Variants in NDUFA10 observed in about 807,000 individuals in gnomAD.
NDUFA10 encodes the protein NADH dehydrogenase [ubiquinone] 1 alpha subcomplex subunit 10, mitochondrial.
Under a neutral mutation model 47.8 loss-of-function variants are expected in NDUFA10, and 40 were observed. The observed-to-expected ratio is 0.84, with a 90% CI of 0.65 to 1.09. The LOEUF (loss-of-function observed/expected upper bound fraction) is 1.09. Among genes scored for constraint, NDUFA10 ranks in the 50% least tolerant of loss-of-function variants. NDUFA10 has a pLI of 0.00. For synonymous variants in NDUFA10, 183 were observed against 172.2 expected, an observed-to-expected ratio of 1.06 and a Z score of -0.49; for missense variants, 413 against 451.1, an observed-to-expected ratio of 0.92 and a Z score of 0.76.
At chr2:239,973,782 C>T (rs1257785060) in intron 9 of NDUFA10, 5 of 361,024 alleles carry the variant, frequency 1.4e-5, no homozygotes, top group Non-Finnish European at 2.8e-5. Flanking sequence ...CTGTCCTGCA[C>T]ACATTCAGTA....
intron 4 of NDUFA10, among the ~76,000 whole-genome samples, chr2:239,922,377 G>GC (rs774389001): frequency 1.3e-5 from 2 of 152,178 alleles, no homozygotes; most frequent in Non-Finnish European, 2.9e-5. Flanking sequence ...CTCAAGGCAG[G>GC]CAGTGAGCTG....
At position 239,960,307 on chromosome 2, in the gene NDUFA10, T is replaced by C; in HGVS notation, c.*811A>G. Reference sequence around the variant, plus strand: ...TTGGTTTTCTAGGCTTCAACAGAGATGAATAAAGAAATCTGATTTTCTTTC... The same window carrying C: ...TTGGTTTTCTAGGCTTCAACAGAGACGAATAAAGAAATCTGATTTTCTTTC... On this transcript the variant is annotated 3_prime_UTR_variant, in exon 10 of 10. Coordinates refer to ENST00000252711, the MANE Select transcript of NDUFA10 (RefSeq NM_004544.4). 1.0e-6 allele frequency: 1 copy of C among 985,714 alleles called. No homozygotes were observed. Among genetic ancestry groups the C allele is most frequent in the East Asian group, 1.1e-4 (1 of 8,812 alleles). 61.1% of individuals were successfully genotyped at this position (985,714 alleles called of 1,614,324 possible).
At chr2:239,963,240 A>G (rs1282482828) in intron 9 of NDUFA10, among the ~76,000 whole-genome samples, 1 of 152,228 alleles carries the variant, frequency 6.6e-6, no homozygotes, top group Non-Finnish European at 1.5e-5. Flanking sequence ...AGTGATGCCA[A>G]GACAGCCCAG....
At chr2:239,999,353 T>C (rs1389230840) in intron 8 of NDUFA10, among the ~76,000 whole-genome samples, 1 of 152,210 alleles carries the variant, frequency 6.6e-6, no homozygotes, top group Non-Finnish European at 1.5e-5. Context: ...ATCTCCTCTC[T>C]ACCATTCCTC....
chr2:240,003,551 A>C (rs1270755198), intron 8 of NDUFA10, among the ~76,000 whole-genome samples: 1 of 152,200 alleles, frequency 6.6e-6, no homozygotes, highest in Non-Finnish European at 1.5e-5. Context: ...ATAGCTACTC[A>C]TGTTTCCTGC....
chr2:239,947,879 G>A (rs570017639), intron 4 of NDUFA10, among the ~76,000 whole-genome samples: 1 of 152,236 alleles, frequency 6.6e-6, no homozygotes, highest in Non-Finnish European at 1.5e-5. Context: ...AACTTGTTCA[G>A]ACTTTCAGGA....
intron 4 of NDUFA10, among the ~76,000 whole-genome samples, chr2:239,908,359 C>T (rs1258542484): frequency 6.6e-6 from 1 of 152,152 alleles, no homozygotes; most frequent in African/African-American, 2.4e-5. Flanking sequence ...AACAAACCTG[C>T]ACATTGTGCA....
At chr2:239,914,531 TACAC>T (rs1295760722) in intron 4 of NDUFA10, among the ~76,000 whole-genome samples, 4 of 129,836 alleles carry the variant, frequency 3.1e-5, no homozygotes, top group East Asian at 2.4e-4. Context: ...CACACATACA[TACAC>T]AGACACACAA....
At chr2:239,981,534 A>C (rs1226828716) in intron 9 of NDUFA10, among the ~76,000 whole-genome samples, 1 of 152,216 alleles carries the variant, frequency 6.6e-6, no homozygotes, top group Non-Finnish European at 1.5e-5. Flanking sequence ...TCACAAAACT[A>C]CAAAAACACT....
At chr2:240,010,416 T>A (rs1697096176) in intron 6 of NDUFA10, among the ~76,000 whole-genome samples, 1 of 152,286 alleles carries the variant, frequency 6.6e-6, no homozygotes, top group East Asian at 1.9e-4. Context: ...AGAAACTCCA[T>A]TTGAGAAATT....
chr2:239,993,697 AACCAGGGGATTACAC>A (rs1480970516), intron 8 of NDUFA10, among the ~76,000 whole-genome samples: 1 of 152,204 alleles, frequency 6.6e-6, no homozygotes, highest in Admixed American at 6.5e-5. Flanking sequence ...AGAGACCAAG[AACCAGGGGATTACAC>A]ACCAAGGGGA....
At chr2:239,994,122 T>C (rs1239903048) in intron 8 of NDUFA10, among the ~76,000 whole-genome samples, 12 of 152,278 alleles carry the variant, frequency 7.9e-5, no homozygotes, top group Admixed American at 5.2e-4. Flanking sequence ...AGACGCTGTG[T>C]TGACATCTAC....
chr2:239,984,728 G>A (rs1695927472), intron 9 of NDUFA10, among the ~76,000 whole-genome samples: 1 of 152,244 alleles, frequency 6.6e-6, no homozygotes, highest in Admixed American at 6.5e-5. Context: ...CAACAGGGCA[G>A]GGAGGGCCCT....
Position 239,906,943 on chromosome 2 carries a change from A to C in NDUFA10, c.295-11629T>G, listed in dbSNP as rs866693997. On this transcript the variant is annotated intron_variant, in intron 4 of 5. Transcript: ENST00000419408. The surrounding 1 kb of genome is among the most constrained non-coding windows in gnomAD (Gnocchi z 4.3). The stretch of plus-strand genomic sequence containing the variant: ...CTTATGGAACCAAAAAAGAGCCCAC[A>C]TTGCCAAGTCAATCCTAAGCCAAAA... Among the ~76,000 whole-genome samples the C allele has an allele frequency of 6.6e-6, 1 of 152,210 alleles. No homozygotes were observed. The highest frequency in any genetic ancestry group is 1.5e-5 in the Non-Finnish European group (1 of 68,044).
At chr2:239,943,720 G>A (rs1381044034) in intron 4 of NDUFA10, among the ~76,000 whole-genome samples, 2 of 152,178 alleles carry the variant, frequency 1.3e-5, no homozygotes, top group South Asian at 2.1e-4. Flanking sequence ...AGCACCGACC[G>A]CCCCTCCTGG....
intron 8 of NDUFA10, among the ~76,000 whole-genome samples, chr2:239,999,087 G>A (rs1696599277): frequency 6.6e-6 from 1 of 152,240 alleles, no homozygotes; most frequent in South Asian, 2.1e-4. Context: ...TTGGGTCTCC[G>A]AACTCACCAC....
chr2:239,906,982 G>A lies in NDUFA10; in HGVS notation c.295-11668C>T, dbSNP rs1020902216. ...CCTAAGCCAAAAGAACAAAGCTGGA[G>A]GCATCACACTACCTGACTTCAAACT... On this transcript the variant is annotated intron_variant, in intron 4 of 5. Transcript: ENST00000419408. This position sits in a 1 kb window ranked among gnomAD's most constrained non-coding sequence, Gnocchi z 4.3. 9.9e-5 allele frequency among the ~76,000 whole-genome samples: 15 copies of A among 152,284 alleles called. No individual in the cohort carries two copies. Among genetic ancestry groups the A allele is most frequent in the African/African-American group, 3.6e-4 (15 of 41,550 alleles).
chr2:240,011,459 A>G (rs564646952), intron 6 of NDUFA10, among the ~76,000 whole-genome samples, 158 bp downstream of exon 6: 1 of 152,206 alleles, frequency 6.6e-6, no homozygotes, highest in Admixed American at 6.5e-5. Flanking sequence ...ATCAAACTGA[A>G]ATGTCTCCTG....
downstream of NDUFA10, among the ~76,000 whole-genome samples, chr2:239,955,256 C>T (rs1351414816): frequency 1.3e-5 from 2 of 152,148 alleles, no homozygotes; most frequent in Non-Finnish European, 2.9e-5. Flanking sequence ...CTATTCTCTC[C>T]ACAAAACATG....
Sources: allele counts gnomAD v4.1 joint callset (sites outside exome capture counted in the v4.1 genomes callset), GRCh38; gene constraint gnomAD v4.1.1; non-coding constraint Gnocchi (gnomAD v3.1); transcripts MANE v1.5; gene names NCBI Gene and HGNC (gene_info 2026-07-23, HGNC 2026-07-21).